Variants in NTM observed in about 807,000 individuals in gnomAD.
NTM encodes the protein neurotrimin.
A neutral mutation model predicts 42.1 loss-of-function variants in NTM; 13 were observed. The ratio of observed to expected loss-of-function variants is 0.31; its 90% CI spans 0.20 to 0.49. NTM has a LOEUF of 0.49. NTM is among the 20% of genes least tolerant of loss of function. The probability of loss-of-function intolerance (pLI) is 0.99; values close to 1 mark genes in which losing one functional copy is unlikely to be tolerated. For synonymous variants in NTM, 187 were observed against 179.2 expected (o/e 1.04, Z -0.35); for missense variants, 373 against 452.8 (o/e 0.82, Z 1.60).
chr11:132,005,965 T>G (rs1409200269), intron 2 of NTM, among the ~76,000 whole-genome samples: 3 of 152,222 alleles, frequency 2.0e-5, no homozygotes, highest in Non-Finnish European at 2.9e-5. Flanking sequence ...TTTGCGTGTT[T>G]CAATTATTAG....
chr11:131,688,582 G>A (rs371869712), intron 1 of NTM, among the ~76,000 whole-genome samples: 2 of 152,334 alleles, frequency 1.3e-5, no homozygotes, highest in South Asian at 4.1e-4. Context: ...CCCCCTCTGT[G>A]CCCCGGGTTG....
At chr11:132,160,809 C>A (rs1318723153) in intron 3 of NTM, among the ~76,000 whole-genome samples, 1 of 152,094 alleles carries the variant, frequency 6.6e-6, no homozygotes, top group Non-Finnish European at 1.5e-5. Context: ...ATGACAAGTG[C>A]AGGATGGGGC....
chr11:132,121,582 G>A (rs1372357500), intron 2 of NTM, among the ~76,000 whole-genome samples: 1 of 151,980 alleles, frequency 6.6e-6, no homozygotes, highest in Non-Finnish European at 1.5e-5. Flanking sequence ...ATCTCCCTTT[G>A]ACCTAAGAAA....
At chr11:131,384,512 G>T (rs1054179210) in intron 1 of NTM, among the ~76,000 whole-genome samples, 14 of 152,172 alleles carry the variant, frequency 9.2e-5, no homozygotes, top group African/African-American at 3.4e-4. Flanking sequence ...ATAGAAAGAA[G>T]AAGTGGAGTC....
At chr11:131,685,309 C>G (rs1415091889) in intron 1 of NTM, among the ~76,000 whole-genome samples, 1 of 151,996 alleles carries the variant, frequency 6.6e-6, no homozygotes, top group Non-Finnish European at 1.5e-5. Flanking sequence ...TGGGAAGCAG[C>G]TGGGGGCTCA....
chr11:131,867,390 C>T (rs12289023), intron 1 of NTM, among the ~76,000 whole-genome samples: 11,839 of 151,242 alleles, frequency 0.078, 642 homozygotes, highest in Non-Finnish European at 0.12. Context: ...TGTGTGTGAC[C>T]GTGTGTGTCT....
intron 1 of NTM, among the ~76,000 whole-genome samples, chr11:131,574,561 A>AGTTT (rs2057752602): frequency 1.4e-5 from 2 of 147,424 alleles, no homozygotes; most frequent in African/African-American, 2.5e-5. Flanking sequence ...TATGTGCTTG[A>AGTTT]GTGTGTGTGT....
At chr11:131,929,333 C>G (rs75115265) in intron 2 of NTM, among the ~76,000 whole-genome samples, 20,901 of 151,960 alleles carry the variant, frequency 0.14, 1,558 homozygotes, top group East Asian at 0.21. Context: ...CGGGGGGGCA[C>G]ATGTGGGCGG....
At chr11:131,818,866 G>A in intron 1 of NTM, among the ~76,000 whole-genome samples, 1 of 152,164 alleles carries the variant, frequency 6.6e-6, no homozygotes, top group South Asian at 2.1e-4. Context: ...TCTCCCCGCA[G>A]AGATGCAGTA....
chr11:131,949,526 C>T (rs769728954), intron 2 of NTM, among the ~76,000 whole-genome samples: 3 of 152,132 alleles, frequency 2.0e-5, no homozygotes, highest in African/African-American at 7.2e-5. Flanking sequence ...GAGTTTTAGG[C>T]GTTGCACAAA....
At chr11:131,654,085 GGT>G (rs2066862250) in intron 1 of NTM, among the ~76,000 whole-genome samples, 1 of 152,182 alleles carries the variant, frequency 6.6e-6, no homozygotes, top group Non-Finnish European at 1.5e-5. Context: ...GACTGTAACC[GGT>G]GATGGTGGGA....
At chr11:131,579,312 ACTAT>A (rs137906436) in intron 1 of NTM, among the ~76,000 whole-genome samples, 5,549 of 152,212 alleles carry the variant, frequency 0.036, 305 homozygotes, top group African/African-American at 0.12. Context: ...AGAAATATAA[ACTAT>A]CTGTTTTGCT....
chr11:132,244,939 A>C (rs1309977722), intron 4 of NTM, among the ~76,000 whole-genome samples: 1 of 152,166 alleles, frequency 6.6e-6, no homozygotes, highest in Non-Finnish European at 1.5e-5. Context: ...TTATTAATAT[A>C]CTTCACAGGT....
intron 5 of NTM, among the ~76,000 whole-genome samples, chr11:132,309,841 A>G (rs2095224151): frequency 6.6e-6 from 1 of 152,134 alleles, no homozygotes; most frequent in Admixed American, 6.5e-5. Flanking sequence ...AGATCACCTG[A>G]GGTCAGGAGT....
intron 8 of NTM, 80 bp downstream of exon 8, chr11:132,330,265 C>T: frequency 6.8e-7 from 1 of 1,473,372 alleles, no homozygotes; most frequent in East Asian, 2.5e-5. Flanking sequence ...CAGATGCCTT[C>T]TTTCCTGAGC....
intron 1 of NTM, among the ~76,000 whole-genome samples, chr11:131,801,283 G>A (rs929575398): frequency 4.6e-5 from 7 of 152,158 alleles, no homozygotes; most frequent in African/African-American, 1.7e-4. Context: ...GTGTAGGGCA[G>A]CTCACTTGAA....
chr11:132,334,789 G>A (rs934985782), intron 8 of NTM, among the ~76,000 whole-genome samples: 6 of 151,908 alleles, frequency 3.9e-5, no homozygotes, highest in Admixed American at 2.6e-4. Context: ...ACACAGTAAG[G>A]AAGAAGGCCC....
chr11:132,031,371 A>C (rs1345633655), intron 2 of NTM, among the ~76,000 whole-genome samples: 1 of 152,194 alleles, frequency 6.6e-6, no homozygotes, highest in Non-Finnish European at 1.5e-5. Flanking sequence ...GTCAAGTTGG[A>C]GGCAAGAAGA....
intron 1 of NTM, among the ~76,000 whole-genome samples, chr11:131,772,923 G>A (rs1527778): frequency 0.42 from 64,193 of 152,056 alleles, 15,408 homozygotes; most frequent in East Asian, 0.62. Flanking sequence ...CTTAACTGAT[G>A]AGTAGACATT....
Sources: allele counts gnomAD v4.1 joint callset (sites outside exome capture counted in the v4.1 genomes callset), GRCh38; gene constraint gnomAD v4.1.1; transcripts MANE v1.5; gene names NCBI Gene and HGNC (gene_info 2026-07-23, HGNC 2026-07-21).